Variants in RYR1 observed in about 807,000 individuals in gnomAD.
RYR1 encodes ryanodine receptor 1, also known as central core disease of muscle.
RYR1 carries 342 observed loss-of-function variants against 583.5 expected under a neutral mutation model. The ratio of observed to expected loss-of-function variants is 0.59; its 90% CI spans 0.54 to 0.64. RYR1 has a LOEUF of 0.64. Ranked by LOEUF, RYR1 falls within the 30% of genes least tolerant of loss-of-function variation. The pLI, the probability that RYR1 is intolerant of heterozygous loss-of-function variation, is 0.00. For synonymous variants in RYR1, 2,791 were observed against 2,822.5 expected, an observed-to-expected ratio of 0.99 and a Z score of 0.35; for missense variants, 6,032 against 6,917.2, an observed-to-expected ratio of 0.87 and a Z score of 4.54.
intron 105 of RYR1, 151 bp from the exon 106 acceptor site, chr19:38,587,174 G>A (rs1162297542): frequency 4.6e-6 from 3 of 655,390 alleles, no homozygotes; most frequent in South Asian, 1.7e-5. Flanking sequence ...GTGGAGAATC[G>A]CTTGAGCCAG....
chr19:38,512,836 C>G lies in RYR1; in HGVS notation c.9472+353C>G, dbSNP rs1002764353. Among the ~76,000 whole-genome samples the G allele has an allele frequency of 6.6e-6, 1 of 151,624 alleles. No homozygotes were observed. The highest frequency in any genetic ancestry group is 2.4e-5 in the African/African-American group (1 of 41,262). ...AAGAAAAATTTAAAGATTAGCCAGGCATGGAGGCACATGCCTGTAATCCCA... is the reference window on the plus strand; with the variant it reads ...AAGAAAAATTTAAAGATTAGCCAGGGATGGAGGCACATGCCTGTAATCCCA... On this transcript the variant is annotated intron_variant, in intron 63 of 105. Coordinates refer to ENST00000359596, the MANE Select transcript of RYR1 (RefSeq NM_000540.3). The surrounding 1 kb of genome is among the most constrained non-coding windows in gnomAD (Gnocchi z 5.1).
At chr19:38,459,438 T>C in intron 19 of RYR1, 100 bp downstream of exon 19, 1 of 1,144,474 alleles carries the variant, frequency 8.7e-7, no homozygotes, top group Non-Finnish European at 1.3e-6. Flanking sequence ...GCCAGGACAC[T>C]GCAGCCTACC....
At chr19:38,492,867 G>C (rs1969620245) in intron 38 of RYR1, among the ~76,000 whole-genome samples, 1 of 152,116 alleles carries the variant, frequency 6.6e-6, no homozygotes, top group Non-Finnish European at 1.5e-5. Context: ...TCAGGATTTG[G>C]AGACCAGCCC....
At position 38,527,812 on chromosome 19, in the gene RYR1, C is replaced by G. The variant is rs576172726; in HGVS notation, c.10824+28C>G. Reference sequence around the variant, plus strand: ...GGGTGGGGCCGGAGGGGTCTTTCTACTGGGTCTCTGGGCGGAGCCTGGCGG... The same window carrying G: ...GGGTGGGGCCGGAGGGGTCTTTCTAGTGGGTCTCTGGGCGGAGCCTGGCGG... On this transcript the variant is annotated intron_variant, in intron 73 of 105. Transcript: ENST00000359596. 147 of 1,611,702 alleles carry G rather than the reference C, an allele frequency of 9.1e-5. 2 individuals are homozygous for G. The South Asian group carries it at 1.4e-3, about 15-fold the overall frequency.
chr19:38,483,542 GGT>G lies in RYR1; in HGVS notation c.4934+28_4934+29del. The G allele has an allele frequency of 6.5e-7, 1 of 1,532,376 alleles. No homozygotes were observed. Among genetic ancestry groups the G allele is most frequent in the Non-Finnish European group, 8.8e-7 (1 of 1,142,200 alleles). The allele number at this position is 1,532,376 out of a possible 1,614,324, so 94.9% of individuals were successfully genotyped here. A position where few individuals can be genotyped will look rare whatever the true frequency, so the allele number is the denominator to read the frequency against. Reference sequence around the variant, plus strand: ...GTCAGGGCCAGCCCAGCTATGCAGGGGTGGGCAGGTGTTGCAAGCCCTCTGGG... The same window carrying G: ...GTCAGGGCCAGCCCAGCTATGCAGGGGGGCAGGTGTTGCAAGCCCTCTGGG... On this transcript the variant is annotated intron_variant, in intron 33 of 105. Transcript: ENST00000359596. This position sits in a 1 kb window ranked among gnomAD's most constrained non-coding sequence, Gnocchi z 6.3.
chr19:38,582,886 C>T (rs768356356), intron 101 of RYR1, among the ~76,000 whole-genome samples: 2 of 152,176 alleles, frequency 1.3e-5, no homozygotes, highest in Non-Finnish European at 2.9e-5. Context: ...CTCAACCTGA[C>T]ATCTGAGGCT....
At chr19:38,564,600 C>G (rs963762456) in intron 90 of RYR1, among the ~76,000 whole-genome samples, 2 of 152,010 alleles carry the variant, frequency 1.3e-5, no homozygotes, top group Non-Finnish European at 2.9e-5. Context: ...TCATGGCAAC[C>G]TCCGCCTCCC....
chr19:38,571,487 A>AG (rs1973711524), intron 94 of RYR1, among the ~76,000 whole-genome samples: 3 of 152,152 alleles, frequency 2.0e-5, no homozygotes, highest in African/African-American at 4.8e-5. Context: ...ACAAAAAAAA[A>AG]TTAGCCAGGC....
intron 39 of RYR1, among the ~76,000 whole-genome samples, chr19:38,494,853 C>CCT (rs1969739183): frequency 5.5e-5 from 7 of 127,376 alleles, no homozygotes; most frequent in Non-Finnish European, 6.5e-5. Flanking sequence ...CCACCCCCCC[C>CCT]TTTTTTTTTT....
intron 76 of RYR1, among the ~76,000 whole-genome samples, chr19:38,530,600 CAA>C (rs1971690310): frequency 6.6e-6 from 1 of 151,806 alleles, no homozygotes; most frequent in African/African-American, 2.4e-5. Context: ...AACGTGAAGT[CAA>C]GAGCTAAAGA....
At chr19:38,519,586 C>CTGA in intron 67 of RYR1, 132 bp downstream of exon 67, 1 of 1,057,624 alleles carries the variant, frequency 9.5e-7, no homozygotes, top group Non-Finnish European at 1.4e-6. Flanking sequence ...TCTGACTCTT[C>CTGA]CTCCTGGTTT....
intron 84 of RYR1, among the ~76,000 whole-genome samples, chr19:38,542,563 A>T (rs981170599): frequency 4.6e-5 from 7 of 152,042 alleles, no homozygotes; most frequent in Non-Finnish European, 5.9e-5. Flanking sequence ...TTGTTGCCCA[A>T]GCTGGAGTGC....
rs1392216621 is a variant in RYR1 at position 38,535,236 on chromosome 19, G to A, written c.11439+16G>A. 6.2e-7 allele frequency: 1 copy of A among 1,614,054 alleles called. No homozygotes were observed. Among genetic ancestry groups the A allele is most frequent in the Non-Finnish European group, 8.5e-7 (1 of 1,179,984 alleles). On this transcript the variant is annotated intron_variant, in intron 80 of 105. Transcript: ENST00000359596. ...GGTCCAGCAGGTAACAGAGGCAAAG[G>A]GACTTCAGAAGAAGGCAAGGAGGGA...
chr19:38,444,735 T>C lies in RYR1; in HGVS notation c.631+58T>C. 1 of 1,351,430 alleles carries C rather than the reference T, an allele frequency of 7.4e-7. No individual in the cohort carries two copies. Among genetic ancestry groups the C allele is most frequent in the East Asian group, 2.4e-5 (1 of 41,024 alleles). The allele number at this position is 1,351,430 out of a possible 1,614,324, so 83.7% of individuals were successfully genotyped here. On this transcript the variant is annotated intron_variant, in intron 7 of 105. Coordinates refer to ENST00000359596, the MANE Select transcript of RYR1 (RefSeq NM_000540.3). This position sits in a 1 kb window ranked among gnomAD's most constrained non-coding sequence, Gnocchi z 5.1. ...TCCCCCCAAAACAGACCCTTAATGTTGCCCTTCAGGCATACCCAAATGGAG... is the reference window on the plus strand; with the variant it reads ...TCCCCCCAAAACAGACCCTTAATGTCGCCCTTCAGGCATACCCAAATGGAG...
At position 38,455,441 on chromosome 19, in the gene RYR1, C is replaced by G; in HGVS notation, c.1577-10C>G. On this transcript the variant is annotated splice_polypyrimidine_tract_variant and intron_variant, in intron 14 of 105. Transcript: ENST00000359596. Reference sequence around the variant, plus strand: ...AGTCCTATTGGATCTGACACCTCTTCCCCCCTCAGCTTCTCTAATCCGTGG... The same window carrying G: ...AGTCCTATTGGATCTGACACCTCTTGCCCCCTCAGCTTCTCTAATCCGTGG... 1 of 1,614,080 alleles carries G rather than the reference C, an allele frequency of 6.2e-7. No homozygotes were observed. The highest frequency in any genetic ancestry group is 8.5e-7 in the Non-Finnish European group (1 of 1,179,972).
At chr19:38,563,111 C>T (rs1303523218) in intron 90 of RYR1, among the ~76,000 whole-genome samples, 2 of 152,200 alleles carry the variant, frequency 1.3e-5, no homozygotes, top group Non-Finnish European at 2.9e-5. Flanking sequence ...GCGTGCTCCC[C>T]ATACAAACAC....
At chr19:38,459,033 G>A in intron 18 of RYR1, 113 bp from the exon 19 acceptor site, 1 of 918,872 alleles carries the variant, frequency 1.1e-6, no homozygotes, top group Non-Finnish European at 1.7e-6. Flanking sequence ...CTTTCCATTA[G>A]GGTTTCCAGG....
chr19:38,438,486 C>G (rs984549886), intron 1 of RYR1, among the ~76,000 whole-genome samples: 1 of 151,508 alleles, frequency 6.6e-6, no homozygotes, highest in East Asian at 1.9e-4. Context: ...ATTTCCCAGG[C>G]TTGGCAGTCC....
intron 48 of RYR1, 72 bp from the exon 49 acceptor site, chr19:38,502,808 G>GGCAGGGGCAGGGGCAGGA (rs1970236651): frequency 8.3e-6 from 9 of 1,081,878 alleles, no homozygotes; most frequent in Non-Finnish European, 8.3e-6. Flanking sequence ...CAGGGGCAGG[G>GGCAGGGGCAGGGGCAGGA]GGAGGAGCAG....
Sources: gnomAD v4.1 joint callset for allele counts (sites outside exome capture counted in the v4.1 genomes callset) on GRCh38, gnomAD v4.1.1 for gene constraint, Gnocchi (gnomAD v3.1) non-coding constraint, MANE v1.5 for transcripts, NCBI Gene and HGNC (gene_info 2026-07-23, HGNC 2026-07-21) for gene names.